GRIN2B: variants seen among roughly 807,000 people sequenced by gnomAD.
GRIN2B encodes the protein glutamate ionotropic receptor NMDA type subunit 2B.
GRIN2B carries 5 observed loss-of-function variants against 114.5 expected under a neutral mutation model. The ratio of observed to expected loss-of-function variants is 0.04; its 90% CI spans 0.02 to 0.09. GRIN2B has a LOEUF of 0.09. GRIN2B is among the 10% of genes least tolerant of loss of function. The pLI is 1.00. For missense variants in GRIN2B, 1,108 were observed against 1,943.5 expected (o/e 0.57, Z 8.08); for synonymous variants, 787 against 745.1 (o/e 1.06, Z -0.92).
At chr12:13,872,485 A>C (rs918894372) in intron 2 of GRIN2B, among the ~76,000 whole-genome samples, 2 of 152,102 alleles carry the variant, frequency 1.3e-5, no homozygotes, top group East Asian at 3.8e-4. Flanking sequence ...GCTAACTAAA[A>C]CACAGTATAT....
At chr12:13,607,304 ATT>A (rs1949275582) in intron 10 of GRIN2B, among the ~76,000 whole-genome samples, 1 of 75,286 alleles carries the variant, frequency 1.3e-5, no homozygotes, top group African/African-American at 5.6e-5. Context: ...AAAAATATAT[ATT>A]ATATATAATA....
chr12:13,700,760 T>G (rs1950304446), intron 4 of GRIN2B, among the ~76,000 whole-genome samples: 1 of 152,188 alleles, frequency 6.6e-6, no homozygotes, highest in Admixed American at 6.5e-5. Context: ...TCCTAAACTG[T>G]GAAATTGTTA....
chr12:13,644,636 T>C (rs2216215), intron 5 of GRIN2B, among the ~76,000 whole-genome samples: 41,513 of 152,002 alleles, frequency 0.27, 6,319 homozygotes, highest in Middle Eastern at 0.44. Context: ...CTTTTTCCAA[T>C]AGAAGGCTGT....
intron 3 of GRIN2B, among the ~76,000 whole-genome samples, chr12:13,775,760 T>C (rs1863992322): frequency 6.6e-6 from 1 of 152,200 alleles, no homozygotes; most frequent in African/African-American, 2.4e-5. Context: ...TAAAATATGA[T>C]ATGTCATTGT....
intron 2 of GRIN2B, among the ~76,000 whole-genome samples, chr12:13,916,683 ATC>A (rs1428586343): frequency 3.5e-5 from 5 of 142,390 alleles, no homozygotes; most frequent in Admixed American, 7.0e-5. Context: ...CCCCATCTCT[ATC>A]TCTCTCTCTC....
intron 2 of GRIN2B, among the ~76,000 whole-genome samples, chr12:13,966,340 C>G (rs1049111439): frequency 6.6e-6 from 1 of 152,162 alleles, no homozygotes; most frequent in Non-Finnish European, 1.5e-5. Flanking sequence ...CGTTGTCTTC[C>G]TTCATTGAAA....
At chr12:13,732,979 A>T (rs1393229470) in intron 4 of GRIN2B, among the ~76,000 whole-genome samples, 1 of 152,208 alleles carries the variant, frequency 6.6e-6, no homozygotes, top group Non-Finnish European at 1.5e-5. Flanking sequence ...GCCAACGTGG[A>T]GCTAACAGTC....
At chr12:13,642,688 T>C (rs1399840867) in intron 5 of GRIN2B, among the ~76,000 whole-genome samples, 1 of 152,182 alleles carries the variant, frequency 6.6e-6, no homozygotes, top group Admixed American at 6.5e-5. Context: ...GCATTCCTTC[T>C]CCGTGCGTGC....
Position 13,549,585 on chromosome 12 carries a change from C to T in GRIN2B, c.*13198G>A, listed in dbSNP as rs1427002474. On this transcript the variant is annotated 3_prime_UTR_variant, in exon 14 of 14. Transcript: ENST00000609686. ...ACACCTTCGGAGTATCATGACACCC[C>T]TGCACACGTTCCTGAAGGCTCTTTT... 2 of 152,252 alleles carry T rather than the reference C, an allele frequency of 1.3e-5. No homozygotes were observed. Among genetic ancestry groups the T allele is most frequent in the East Asian group, 3.9e-4 (2 of 5,176 alleles). The allele number at this position is 152,252 out of a possible 1,614,324, so 9.4% of individuals were successfully genotyped here.
chr12:13,563,945 G>T lies in GRIN2B; in HGVS notation c.3293C>A (p.Ser1098Tyr). Residue 1098 changes from serine to tyrosine, a missense_variant, in exon 14 of 14, where the codon TCC becomes TAC. Ser to Tyr is a moderately radical substitution (Grantham distance 144). This residue lies in a region of GRIN2B where 18 missense variants were observed against 23.6 expected (regional missense o/e 0.76). Transcript: ENST00000609686. ...CTCGATCTCGTCAAACTCCCTGCGG[G>T]ACTTGGCCGAGGCAGGCCGCTTCTT... ...SLKKRPASAK[S>Y]RREFDEIELA... The T allele has an allele frequency of 6.2e-7, 1 of 1,614,226 alleles. No individual in the cohort carries two copies. Among genetic ancestry groups the T allele is most frequent in the Non-Finnish European group, 8.5e-7 (1 of 1,180,044 alleles).
chr12:13,953,264 C>T (rs1374159639), intron 2 of GRIN2B, among the ~76,000 whole-genome samples: 1 of 152,062 alleles, frequency 6.6e-6, no homozygotes, highest in East Asian at 1.9e-4. Context: ...TCAGAAGTCA[C>T]GTAGAGCCAT....
intron 10 of GRIN2B, among the ~76,000 whole-genome samples, chr12:13,596,798 C>G (rs190043030): frequency 1.3e-5 from 2 of 152,358 alleles, no homozygotes; most frequent in African/African-American, 4.8e-5. Flanking sequence ...AAGGTCTCTT[C>G]AAGGTTCCTG....
intron 5 of GRIN2B, among the ~76,000 whole-genome samples, chr12:13,624,708 C>G (rs575900580): frequency 6.6e-6 from 1 of 152,358 alleles, no homozygotes; most frequent in South Asian, 2.1e-4. Flanking sequence ...CCAGCCAATC[C>G]TGTCTGGCAC....
chr12:13,816,255 A>G (rs1864821198), intron 3 of GRIN2B, among the ~76,000 whole-genome samples: 1 of 152,196 alleles, frequency 6.6e-6, no homozygotes, highest in African/African-American at 2.4e-5. Context: ...TATCACCTAC[A>G]GTACTGTGGG....
chr12:13,608,553 C>A (rs1193396686), intron 10 of GRIN2B, 50 bp downstream of exon 10: 1 of 1,369,388 alleles, frequency 7.3e-7, no homozygotes, highest in Non-Finnish European at 1.0e-6. Context: ...TTGAGTATGG[C>A]TGAGAACAGG....
chr12:13,787,149 A>G (rs2268125), intron 3 of GRIN2B, among the ~76,000 whole-genome samples: 36,323 of 152,156 alleles, frequency 0.24, 4,630 homozygotes, highest in South Asian at 0.38. Context: ...ATGCAGGATC[A>G]TGTCTAACCT....
Position 13,615,754 on chromosome 12 carries a change from C to T in GRIN2B, c.1329-90G>A. The stretch of plus-strand genomic sequence containing the variant: ...TTACCCTTTGCCATTAAAAAACCTC[C>T]AATCCCAAAGCAGGCCCCCTTCACA... On this transcript the variant is annotated intron_variant, in intron 6 of 13. Transcript: ENST00000609686. The surrounding 1 kb of genome is among the most constrained non-coding windows in gnomAD (Gnocchi z 5.8). 3.6e-6 allele frequency: 4 copies of T among 1,115,314 alleles called. No individual in the cohort carries two copies. Among genetic ancestry groups the T allele is most frequent in the Non-Finnish European group, 4.1e-6 (3 of 728,094 alleles). 69.1% of individuals were successfully genotyped at this position (1,115,314 alleles called of 1,614,324 possible).
Position 13,866,188 on chromosome 12 carries a change from G to A in GRIN2B, c.21C>T (p.Cys7=), listed in dbSNP as rs751673148. The change falls in exon 3 of 14, where the codon TGC becomes TGT. Residue 7 remains cysteine (C), a synonymous_variant. Transcript: ENST00000609686. The part of the protein sequence containing the change: MKPRAE[C]CSPKFWLVLA... ...ACACCAACCAGAACTTGGGAGAACA[G>A]CACTCCGCTCTGGGCTTCATCTTCA... 9 of 1,610,182 alleles carry A rather than the reference G, an allele frequency of 5.6e-6. No homozygotes were observed. The highest frequency in any genetic ancestry group is 4.0e-5 in the African/African-American group (3 of 74,916).
intron 4 of GRIN2B, among the ~76,000 whole-genome samples, chr12:13,685,613 G>A (rs577127041): frequency 7.2e-5 from 11 of 152,260 alleles, no homozygotes; most frequent in African/African-American, 2.6e-4. Context: ...AGACAGGCAT[G>A]TCATGCTATG....
Sources: gnomAD v4.1 joint callset for allele counts (sites outside exome capture counted in the v4.1 genomes callset) on GRCh38, gnomAD v4.1.1 for gene constraint, gnomAD v4.1.1 regional missense constraint, Gnocchi (gnomAD v3.1) non-coding constraint, MANE v1.5 for transcripts, NCBI Gene and HGNC (gene_info 2026-07-23, HGNC 2026-07-21) for gene names.